Variants in LOC128092252 observed in about 807,000 individuals in gnomAD.
At chr15:50,660,558 G>A in the LOC128092252 span, among the ~76,000 whole-genome samples, 2 of 152,254 alleles carry the variant, frequency 1.3e-5, no homozygotes, top group East Asian at 3.9e-4. Flanking sequence ...AGGTAGCTGA[G>A]GCATGAGAAT....
At chr15:50,674,378 C>T in the LOC128092252 span, among the ~76,000 whole-genome samples, 1 of 152,010 alleles carries the variant, frequency 6.6e-6, no homozygotes, top group Non-Finnish European at 1.5e-5. Flanking sequence ...GTGATCCACC[C>T]GCCTCAGCCT....
At chr15:50,672,808 G>A in the LOC128092252 span, among the ~76,000 whole-genome samples, 11 of 147,838 alleles carry the variant, frequency 7.4e-5, no homozygotes, top group Non-Finnish European at 1.6e-4. Flanking sequence ...TACTCAGGAG[G>A]CTGAGGCAGG....
At chr15:50,661,665 T>C in the LOC128092252 span, among the ~76,000 whole-genome samples, 1 of 152,222 alleles carries the variant, frequency 6.6e-6, no homozygotes, top group African/African-American at 2.4e-5. Flanking sequence ...AGATATCAGT[T>C]AGTAAAAACT....
the LOC128092252 span, among the ~76,000 whole-genome samples, chr15:50,680,135 G>GTCAGC: frequency 6.6e-6 from 1 of 152,092 alleles, no homozygotes; most frequent in Non-Finnish European, 1.5e-5. Context: ...TCGGGAGGCT[G>GTCAGC]ACAGAGGAGA....
At chr15:50,678,883 A>AC in the LOC128092252 span, among the ~76,000 whole-genome samples, 1 of 151,960 alleles carries the variant, frequency 6.6e-6, no homozygotes, top group Non-Finnish European at 1.5e-5. Context: ...CAAAAAAAAA[A>AC]ATTTTTTTGA....
chr15:50,680,059 C>A, the LOC128092252 span, among the ~76,000 whole-genome samples: 1 of 151,912 alleles, frequency 6.6e-6, no homozygotes, highest in Admixed American at 6.6e-5. Context: ...CATGGTGAAA[C>A]CCTGTCTCTG....
chr15:50,653,487 T>C, the LOC128092252 span, among the ~76,000 whole-genome samples: 1 of 152,108 alleles, frequency 6.6e-6, no homozygotes. Context: ...ATTCCTGACA[T>C]AAATGTGAAC....
At chr15:50,648,870 G>A in the LOC128092252 span, 2 of 1,605,960 alleles carry the variant, frequency 1.2e-6, no homozygotes, top group African/African-American at 1.3e-5. Flanking sequence ...GCTTGACCAA[G>A]CGACCACAAA....
At chr15:50,662,050 T>C in the LOC128092252 span, among the ~76,000 whole-genome samples, 1 of 151,718 alleles carries the variant, frequency 6.6e-6, no homozygotes, top group African/African-American at 2.4e-5. Flanking sequence ...AAACCCTGTT[T>C]CTACTAAAAA....
the LOC128092252 span, chr15:50,657,855 G>A: frequency 6.4e-7 from 1 of 1,564,796 alleles, no homozygotes; most frequent in Non-Finnish European, 8.7e-7. Context: ...ATTATTTCAG[G>A]TGAAAAACTT....
chr15:50,675,940 G>A, the LOC128092252 span, among the ~76,000 whole-genome samples: 6 of 152,300 alleles, frequency 3.9e-5, no homozygotes, highest in South Asian at 1.0e-3. Context: ...GCAACCTTGT[G>A]CAAGTTTCAG....
chr15:50,686,548 G>A, the LOC128092252 span: 106 of 1,609,898 alleles, frequency 6.6e-5, no homozygotes, highest in East Asian at 2.2e-3. Context: ...CTCACGGGGC[G>A]GACTCCGGAA....
At chr15:50,666,744 G>A in the LOC128092252 span, among the ~76,000 whole-genome samples, 1 of 152,116 alleles carries the variant, frequency 6.6e-6, no homozygotes, top group Admixed American at 6.6e-5. Flanking sequence ...AGAAGTTATG[G>A]TGAGCCGAGA....
the LOC128092252 span, among the ~76,000 whole-genome samples, chr15:50,683,084 C>T: frequency 1.3e-4 from 19 of 151,776 alleles, no homozygotes; most frequent in South Asian, 3.1e-3. Context: ...GACTGGGTTT[C>T]GCCATCTTTC....
chr15:50,674,804 G>A, the LOC128092252 span, among the ~76,000 whole-genome samples: 2 of 152,112 alleles, frequency 1.3e-5, no homozygotes, highest in African/African-American at 2.4e-5. Context: ...AGTATTCTTG[G>A]ATAATGGGTT....
At chr15:50,679,093 CG>C in the LOC128092252 span, among the ~76,000 whole-genome samples, 1 of 150,196 alleles carries the variant, frequency 6.7e-6, no homozygotes, top group African/African-American at 2.5e-5. Context: ...AGGATGGTCT[CG>C]ATCTCTTGAC....
At chr15:50,670,701 G>A in the LOC128092252 span, among the ~76,000 whole-genome samples, 1 of 151,222 alleles carries the variant, frequency 6.6e-6, no homozygotes, top group Admixed American at 6.6e-5. Context: ...AACCATAAAA[G>A]TGGGCAACCA....
chr15:50,668,535 T>A, the LOC128092252 span, among the ~76,000 whole-genome samples: 27 of 152,298 alleles, frequency 1.8e-4, no homozygotes, highest in East Asian at 4.6e-3. Context: ...AGACAAAGAG[T>A]TTTGCTCTGT....
the LOC128092252 span, among the ~76,000 whole-genome samples, chr15:50,675,659 C>T: frequency 6.6e-6 from 1 of 152,196 alleles, no homozygotes; most frequent in African/African-American, 2.4e-5. Context: ...GTTATAAATA[C>T]ATATAAAAAT....
Sources: allele counts gnomAD v4.1 joint callset (sites outside exome capture counted in the v4.1 genomes callset), GRCh38; gene constraint gnomAD v4.1.1; transcripts MANE v1.5.